The following RPS6KA2 variants were observed in gnomAD, a reference collection of about 807,000 sequenced individuals.
RPS6KA2 encodes ribosomal protein S6 kinase A2.
Under a neutral mutation model 91.8 loss-of-function variants are expected in RPS6KA2, and 42 were observed. The ratio of observed to expected loss-of-function variants is 0.46; its 90% confidence interval spans 0.36 to 0.59. RPS6KA2 has a LOEUF of 0.59. Ranked by LOEUF, RPS6KA2 falls within the 20% of genes least tolerant of loss-of-function variation. The pLI is 0.00. For missense variants in RPS6KA2, 798 were observed against 978.5 expected (o/e 0.82, Z 2.46); for synonymous variants, 414 against 393.6 (o/e 1.05, Z -0.61).
intron 2 of RPS6KA2, among the ~76,000 whole-genome samples, chr6:166,534,665 T>C (rs541872060): frequency 5.9e-5 from 9 of 152,248 alleles, no homozygotes; most frequent in Non-Finnish European, 1.3e-4. Context: ...CTCTCTCGTA[T>C]GTTAGGCCTT....
intron 2 of RPS6KA2, among the ~76,000 whole-genome samples, chr6:166,728,508 G>A (rs576176807): frequency 2.1e-4 from 32 of 152,288 alleles, no homozygotes; most frequent in Middle Eastern, 6.8e-3. Context: ...TGGTCTCTGA[G>A]CCACGTTTCT....
chr6:166,809,332 A>G (rs1441240149), intron 2 of RPS6KA2, among the ~76,000 whole-genome samples: 1 of 152,200 alleles, frequency 6.6e-6, no homozygotes, highest in Admixed American at 6.5e-5. Flanking sequence ...TCTCCCTACA[A>G]AATAATGGAT....
Position 166,647,148 on chromosome 6 carries a change from C to T in RPS6KA2, c.124-108364G>A, listed in dbSNP as rs552697937. Among the ~76,000 whole-genome samples, 3 of 148,058 alleles carry T rather than the reference C, an allele frequency of 2.0e-5. No individual in the cohort carries two copies. In the East Asian group the frequency reaches 5.9e-4, roughly 29 times the overall value. On this transcript the variant is annotated intron_variant, in intron 2 of 21. Coordinates refer to the RPS6KA2 transcript ENST00000503859. ...TCTCCCAGTTCACCATCTTTTTTGC[C>T]CCAGTGTTCTCCTATTTTTTTTTTA...
intron 2 of RPS6KA2, among the ~76,000 whole-genome samples, chr6:166,857,900 A>G (rs1780948350): frequency 6.6e-6 from 1 of 152,204 alleles, no homozygotes. Context: ...CTTGACTGGT[A>G]CTAATGCACC....
Position 166,500,960 on chromosome 6 carries a change from A to G in RPS6KA2, c.567-36T>C. ...GGGAGAGAAAACAGATGCTTTAGAA[A>G]GAGACCCAGCCTGCCGACGGGCACG... On this transcript the variant is annotated intron_variant, in intron 6 of 20. Transcript: ENST00000265678. This position sits in a 1 kb window ranked among gnomAD's most constrained non-coding sequence, Gnocchi z 4.3. 1.9e-6 allele frequency: 3 copies of G among 1,606,030 alleles called. No homozygotes were observed. The highest frequency in any genetic ancestry group is 2.6e-6 in the Non-Finnish European group (3 of 1,173,194).
intron 2 of RPS6KA2, among the ~76,000 whole-genome samples, chr6:166,655,538 T>C (rs1452386181): frequency 6.6e-6 from 1 of 152,214 alleles, no homozygotes; most frequent in East Asian, 1.9e-4. Flanking sequence ...GGCTGGAGGC[T>C]ACACACCTGG....
intron 2 of RPS6KA2, among the ~76,000 whole-genome samples, chr6:166,748,539 C>A (rs1464458944): frequency 8.7e-6 from 1 of 115,210 alleles, no homozygotes; most frequent in Admixed American, 8.3e-5. Context: ...CCTCGGGCCC[C>A]CCATCCCCTT....
chr6:166,708,690 G>A (rs939538618), intron 2 of RPS6KA2, among the ~76,000 whole-genome samples: 1 of 152,136 alleles, frequency 6.6e-6, no homozygotes, highest in Non-Finnish European at 1.5e-5. Flanking sequence ...TGCTAAACAG[G>A]CTTTACCAGT....
At chr6:166,634,570 C>T (rs570248505) in intron 2 of RPS6KA2, among the ~76,000 whole-genome samples, 1 of 152,190 alleles carries the variant, frequency 6.6e-6, no homozygotes, top group Admixed American at 6.5e-5. Context: ...AAAACAAAGA[C>T]ATGTGTAAAT....
At chr6:166,858,221 G>C in exon 2 of RPS6KA2, 1 of 1,545,034 alleles carries the variant, frequency 6.5e-7, no homozygotes, top group Non-Finnish European at 9.0e-7. Context: ...TGTCTTCTGT[G>C]GTGGGCTCCA....
At chr6:166,813,525 G>A (rs1285457021) in intron 2 of RPS6KA2, among the ~76,000 whole-genome samples, 3 of 152,202 alleles carry the variant, frequency 2.0e-5, no homozygotes, top group Non-Finnish European at 2.9e-5. Flanking sequence ...CAACAGAAGT[G>A]GATTGTCTTG....
intron 2 of RPS6KA2, among the ~76,000 whole-genome samples, chr6:166,718,878 C>T (rs545102602): frequency 1.3e-5 from 2 of 152,340 alleles, no homozygotes; most frequent in East Asian, 1.9e-4. Flanking sequence ...AGGGGTGGAA[C>T]AGGCTAATTA....
At chr6:166,692,398 AGC>A (rs1003582872) in intron 2 of RPS6KA2, among the ~76,000 whole-genome samples, 31 of 152,208 alleles carry the variant, frequency 2.0e-4, no homozygotes, top group African/African-American at 7.0e-4. Context: ...CCCAGGGACC[AGC>A]GTGTGCAGAG....
chr6:166,745,350 C>T (rs1427801129), intron 2 of RPS6KA2, among the ~76,000 whole-genome samples: 1 of 152,014 alleles, frequency 6.6e-6, no homozygotes, highest in Non-Finnish European at 1.5e-5. Flanking sequence ...TGGGGTTTTA[C>T]CATGTTGGTC....
At chr6:166,780,104 A>C (rs1481289200) in intron 2 of RPS6KA2, among the ~76,000 whole-genome samples, 3 of 152,212 alleles carry the variant, frequency 2.0e-5, no homozygotes, top group African/African-American at 7.2e-5. Flanking sequence ...AAGCAGGAGA[A>C]GTGTTCCTTG....
chr6:166,664,518 A>G (rs1266690743), intron 2 of RPS6KA2, among the ~76,000 whole-genome samples: 1 of 152,234 alleles, frequency 6.6e-6, no homozygotes, highest in Non-Finnish European at 1.5e-5. Flanking sequence ...GGCATGGAGG[A>G]ATCCACACAC....
At chr6:166,620,932 G>A (rs994902590) in intron 1 of RPS6KA2, among the ~76,000 whole-genome samples, 3 of 152,214 alleles carry the variant, frequency 2.0e-5, no homozygotes. Context: ...ACTTCCCACG[G>A]CAGGAGACTG....
At position 166,592,859 on chromosome 6, in the gene RPS6KA2, T is replaced by C. The variant is rs190362475; in HGVS notation, c.99+34062A>G. Among the ~76,000 whole-genome samples, 351 of 152,264 alleles carry C rather than the reference T, an allele frequency of 2.3e-3. 3 individuals carry two copies. The highest frequency in any genetic ancestry group is 8.2e-3 in the African/African-American group (340 of 41,546). On this transcript the variant is annotated intron_variant, in intron 1 of 20. Coordinates refer to ENST00000265678, the MANE Select transcript of RPS6KA2 (RefSeq NM_021135.6). ...ATTATATTCCTAATTATATTCCTTA[T>C]GAATCAATAACAAAAGGATCATTAG... is the stretch of plus-strand genomic sequence containing the variant.
intron 14 of RPS6KA2, among the ~76,000 whole-genome samples, chr6:166,446,236 C>T (rs549391748): frequency 1.4e-4 from 22 of 152,312 alleles, no homozygotes; most frequent in African/African-American, 3.4e-4. Context: ...CTCCCTTGAC[C>T]GGCTGAAACG....
Sources: gnomAD v4.1 joint callset for allele counts (sites outside exome capture counted in the v4.1 genomes callset) on GRCh38, gnomAD v4.1.1 for gene constraint, Gnocchi (gnomAD v3.1) non-coding constraint, MANE v1.5 for transcripts, NCBI Gene and HGNC (gene_info 2026-07-23, HGNC 2026-07-21) for gene names.